TAF3: variants seen among roughly 807,000 people sequenced by gnomAD.
The protein encoded by TAF3 is TATA-box binding protein associated factor 3.
TAF3 carries 7 observed loss-of-function variants against 80.6 expected under a neutral mutation model. The ratio of observed to expected loss-of-function variants is 0.09; its 90% CI spans 0.05 to 0.16. The LOEUF is 0.16. Among genes scored for constraint, TAF3 ranks in the 10% least tolerant of loss-of-function variants. TAF3 has a pLI of 1.00. For missense variants in TAF3, 921 were observed against 1,140.2 expected (o/e 0.81, Z 2.77); for synonymous variants, 444 against 446.1 (o/e 1.00, Z 0.06).
At chr10:7,866,223 G>A (rs866213756) in intron 2 of TAF3, among the ~76,000 whole-genome samples, 10 of 152,160 alleles carry the variant, frequency 6.6e-5, no homozygotes, top group South Asian at 6.2e-4. Context: ...ACTCTGTGCC[G>A]TCACTCTTCC....
Position 7,965,706 on chromosome 10 carries a change from G to C in TAF3, c.2196G>C (p.Lys732Asn), listed in dbSNP as rs752186276. The C allele has an allele frequency of 7.7e-6, 12 of 1,550,530 alleles. No homozygotes were observed. Among genetic ancestry groups the C allele is most frequent in the Non-Finnish European group, 9.5e-6 (11 of 1,158,604 alleles). Residue 732 changes from lysine to asparagine, a missense_variant, in exon 3 of 7, where the codon AAG becomes AAC. Around this residue, in one of 6 missense-constraint regions of TAF3, gnomAD observed 743 missense variants for 821.0 expected, o/e 0.90. Coordinates refer to ENST00000344293, the MANE Select transcript of TAF3 (RefSeq NM_031923.4). The part of the protein sequence containing the change: ...EREKEKRERE[K>N]REKEKEKHKH... ...AGAAAGAGAAGAGAGAGCGAGAGAA[G>C]AGAGAAAAAGAGAAGGAGAAACACA...
chr10:7,882,507 A>G (rs1195612714), intron 2 of TAF3, among the ~76,000 whole-genome samples: 1 of 152,200 alleles, frequency 6.6e-6, no homozygotes, highest in African/African-American at 2.4e-5. Flanking sequence ...AATTAAACCT[A>G]GGATGATGGA....
At chr10:7,905,111 T>G (rs1485957559) in intron 2 of TAF3, among the ~76,000 whole-genome samples, 2 of 152,106 alleles carry the variant, frequency 1.3e-5, no homozygotes, top group African/African-American at 4.8e-5. Context: ...GTGAAGAATA[T>G]TCTTAGTCTT....
At chr10:7,927,414 C>T (rs1837826235) in intron 2 of TAF3, among the ~76,000 whole-genome samples, 1 of 152,204 alleles carries the variant, frequency 6.6e-6, no homozygotes, top group Admixed American at 6.5e-5. Context: ...AGAATTGTCA[C>T]CTCTAAAGCC....
intron 2 of TAF3, among the ~76,000 whole-genome samples, chr10:7,828,012 G>A (rs1277070957): frequency 6.6e-6 from 1 of 151,666 alleles, no homozygotes; most frequent in East Asian, 1.9e-4. Flanking sequence ...TTCTTTTCTT[G>A]CTCTTAAATA....
chr10:7,936,189 T>C (rs929361949), intron 2 of TAF3, among the ~76,000 whole-genome samples: 1 of 152,242 alleles, frequency 6.6e-6, no homozygotes, highest in South Asian at 2.1e-4. Flanking sequence ...TGCGCGTTGC[T>C]TTCAAGACTC....
intron 4 of TAF3, among the ~76,000 whole-genome samples, chr10:7,989,157 G>C (rs747884610): frequency 3.3e-5 from 5 of 152,192 alleles, no homozygotes; most frequent in Admixed American, 6.5e-5. Context: ...CTCTCAGTGG[G>C]CCAGCTGAGA....
chr10:7,950,043 T>A (rs1036912976), intron 2 of TAF3, among the ~76,000 whole-genome samples: 7 of 152,346 alleles, frequency 4.6e-5, no homozygotes, highest in African/African-American at 1.7e-4. Flanking sequence ...TTTCTAATAA[T>A]AGCACTGCTG....
intron 2 of TAF3, among the ~76,000 whole-genome samples, chr10:7,896,184 A>G (rs1837502665): frequency 6.6e-6 from 1 of 152,208 alleles, no homozygotes. Context: ...GTAAGGTAAA[A>G]ACAACTCTGT....
At chr10:7,830,359 CCTGA>C (rs2131103681) in intron 2 of TAF3, among the ~76,000 whole-genome samples, 1 of 143,534 alleles carries the variant, frequency 7.0e-6, no homozygotes, top group East Asian at 2.3e-4. Flanking sequence ...CAACCACTGT[CCTGA>C]CTTTGTAGGA....
At chr10:7,946,044 C>T (rs771224669) in intron 2 of TAF3, among the ~76,000 whole-genome samples, 1 of 152,228 alleles carries the variant, frequency 6.6e-6, no homozygotes, top group South Asian at 2.1e-4. Context: ...GTCCTCCTGC[C>T]TTGGCCTCCT....
intron 2 of TAF3, among the ~76,000 whole-genome samples, chr10:7,917,736 A>G (rs1187780074): frequency 6.6e-6 from 1 of 152,204 alleles, no homozygotes; most frequent in East Asian, 1.9e-4. Context: ...TGGACTAGAT[A>G]CGGGGTGCGA....
At chr10:7,888,769 G>T (rs1373476730) in intron 2 of TAF3, among the ~76,000 whole-genome samples, 1 of 152,184 alleles carries the variant, frequency 6.6e-6, no homozygotes, top group East Asian at 1.9e-4. Flanking sequence ...TCTGTTCCTG[G>T]CCCCTGCTTG....
At chr10:7,872,536 C>G (rs1379780045) in intron 2 of TAF3, among the ~76,000 whole-genome samples, 1 of 152,158 alleles carries the variant, frequency 6.6e-6, no homozygotes, top group Non-Finnish European at 1.5e-5. Flanking sequence ...GAGCAAATTA[C>G]TCAATGGGGA....
chr10:7,998,045 A>G (rs1179784138), intron 4 of TAF3, among the ~76,000 whole-genome samples: 1 of 151,932 alleles, frequency 6.6e-6, no homozygotes, highest in Non-Finnish European at 1.5e-5. Context: ...AAATAACCTT[A>G]GCTTAAGTCA....
intron 2 of TAF3, among the ~76,000 whole-genome samples, chr10:7,920,647 A>G (rs1275428975): frequency 6.6e-6 from 1 of 152,228 alleles, no homozygotes; most frequent in Non-Finnish European, 1.5e-5. Flanking sequence ...TTTACTTGAT[A>G]TAAACTGCCA....
intron 2 of TAF3, among the ~76,000 whole-genome samples, chr10:7,944,093 TTG>T (rs35219363): frequency 0.29 from 39,743 of 136,856 alleles, 6,130 homozygotes; most frequent in Non-Finnish European, 0.39. Context: ...ATGTTCATGC[TTG>T]TGTGTGTGTG....
chr10:7,961,472 T>A (rs544412887), intron 2 of TAF3, among the ~76,000 whole-genome samples: 7 of 152,368 alleles, frequency 4.6e-5, no homozygotes. Flanking sequence ...TTCACCTGCC[T>A]TCTGCATAAA....
At chr10:7,839,239 C>T (rs1403703781) in intron 2 of TAF3, among the ~76,000 whole-genome samples, 4 of 152,040 alleles carry the variant, frequency 2.6e-5, no homozygotes, top group South Asian at 2.1e-4. Flanking sequence ...CTTCTTTGAG[C>T]GCCCGTATAA....
Sources: gnomAD v4.1 joint callset for allele counts (sites outside exome capture counted in the v4.1 genomes callset) on GRCh38, gnomAD v4.1.1 for gene constraint, gnomAD v4.1.1 regional missense constraint, MANE v1.5 for transcripts, NCBI Gene and HGNC (gene_info 2026-07-23, HGNC 2026-07-21) for gene names.